Variants in SLC4A4 observed in about 807,000 individuals in gnomAD.
SLC4A4 encodes electrogenic sodium bicarbonate cotransporter 1.
A neutral mutation model predicts 111.5 loss-of-function variants in SLC4A4; 27 were observed. The ratio of observed to expected loss-of-function variants is 0.24; its 90% CI spans 0.18 to 0.33. The LOEUF (loss-of-function observed/expected upper bound fraction) is 0.33. Among genes scored for constraint, SLC4A4 ranks in the 10% least tolerant of loss-of-function variants. SLC4A4 has a pLI of 1.00. For missense variants in SLC4A4, 909 were observed against 1,315.5 expected (o/e 0.69, Z 4.78); for synonymous variants, 443 against 463.4 (o/e 0.96, Z 0.57).
intron 7 of SLC4A4, among the ~76,000 whole-genome samples, chr4:71,422,390 C>T (rs1343487171): frequency 6.8e-6 from 1 of 147,422 alleles, no homozygotes; most frequent in Non-Finnish European, 1.5e-5. Flanking sequence ...GGATTCACAG[C>T]CGAATTCTAC....
rs768717646 is a variant in SLC4A4 at position 71,339,303 on chromosome 4, G to T, written c.254-67G>T. 4 of 1,614,154 alleles carry T rather than the reference G, an allele frequency of 2.5e-6. No homozygotes were observed. Among genetic ancestry groups the T allele is most frequent in the Non-Finnish European group, 3.4e-6 (4 of 1,180,018 alleles). On this transcript the variant is annotated intron_variant, in intron 3 of 25. Coordinates refer to ENST00000264485, the MANE Select transcript of SLC4A4 (RefSeq NM_001098484.3). ...CAGTAACCTTGGGGAGAGAGGAAGA[G>T]CCCGGAGCTCCACTTTCCTCAGGGT...
chr4:71,103,627 C>T (rs1742827108), intron 2 of SLC4A4, among the ~76,000 whole-genome samples: 1 of 152,118 alleles, frequency 6.6e-6, no homozygotes, highest in Admixed American at 6.6e-5. Context: ...TCACTCAAAA[C>T]CGCTCAACTA....
intron 1 of SLC4A4, among the ~76,000 whole-genome samples, chr4:71,193,406 G>T (rs912984291): frequency 1.3e-5 from 2 of 152,252 alleles, no homozygotes; most frequent in South Asian, 4.1e-4. Flanking sequence ...TGATCCGCCC[G>T]CCTTGGCCTC....
chr4:71,275,092 T>C (rs1200429315), intron 3 of SLC4A4, among the ~76,000 whole-genome samples: 1 of 152,194 alleles, frequency 6.6e-6, no homozygotes, highest in Non-Finnish European at 1.5e-5. Context: ...GCTTCCTTCC[T>C]TGATTGAAAA....
intron 1 of SLC4A4, among the ~76,000 whole-genome samples, chr4:71,187,873 C>G (rs1174239870): frequency 6.6e-6 from 1 of 152,192 alleles, no homozygotes; most frequent in African/African-American, 2.4e-5. Context: ...GCCGCGGCCC[C>G]CACTTCACTG....
chr4:71,114,587 G>A (rs1743195682), intron 2 of SLC4A4, among the ~76,000 whole-genome samples: 1 of 150,850 alleles, frequency 6.6e-6, no homozygotes, highest in African/African-American at 2.5e-5. Context: ...ATGAAAAAAT[G>A]CTCACCATCA....
chr4:71,466,341 C>T (rs1033212757), intron 12 of SLC4A4, 103 bp from the exon 13 acceptor site: 1 of 1,279,336 alleles, frequency 7.8e-7, no homozygotes. Flanking sequence ...TTTGCTAAGA[C>T]CCTCCTAATA....
At chr4:71,180,147 T>C (rs1159836402) in intron 2 of SLC4A4, among the ~76,000 whole-genome samples, 1 of 152,178 alleles carries the variant, frequency 6.6e-6, no homozygotes, top group East Asian at 1.9e-4. Context: ...TGGCTAGCCA[T>C]ATGTAGAAAG....
At chr4:71,358,430 A>G (rs1012134642) in intron 6 of SLC4A4, among the ~76,000 whole-genome samples, 18 of 152,270 alleles carry the variant, frequency 1.2e-4, no homozygotes, top group African/African-American at 3.9e-4. Context: ...AGGTGGAGTA[A>G]CTGAATTGCA....
intron 14 of SLC4A4, among the ~76,000 whole-genome samples, 182 bp from the exon 15 acceptor site, chr4:71,486,766 T>C (rs997259688): frequency 1.3e-5 from 2 of 151,358 alleles, no homozygotes; most frequent in Non-Finnish European, 3.0e-5. Flanking sequence ...TGTGTCCAAA[T>C]CTTTGTTTTA....
At chr4:71,096,803 T>C (rs1017883760) in intron 2 of SLC4A4, among the ~76,000 whole-genome samples, 5 of 152,190 alleles carry the variant, frequency 3.3e-5, no homozygotes, top group Non-Finnish European at 7.3e-5. Context: ...ATGAGTCCAC[T>C]GGATTTAGGG....
chr4:71,467,448 A>G (rs1460511951), intron 13 of SLC4A4, among the ~76,000 whole-genome samples: 4 of 152,202 alleles, frequency 2.6e-5, no homozygotes, highest in African/African-American at 9.6e-5. Flanking sequence ...TACATGTACT[A>G]ACTCATTTAA....
chr4:71,101,645 C>T (rs1417219588), intron 2 of SLC4A4, among the ~76,000 whole-genome samples: 1 of 152,130 alleles, frequency 6.6e-6, no homozygotes, highest in Admixed American at 6.6e-5. Context: ...TGGGAGGCAA[C>T]CCCCAGCAGG....
At chr4:71,371,037 T>C (rs1321490808) in intron 6 of SLC4A4, among the ~76,000 whole-genome samples, 7 of 152,130 alleles carry the variant, frequency 4.6e-5, no homozygotes, top group Non-Finnish European at 1.0e-4. Flanking sequence ...ACTTACTGTA[T>C]CCATTCAGTA....
intron 18 of SLC4A4, among the ~76,000 whole-genome samples, chr4:71,540,614 G>A (rs1025653962): frequency 4.6e-5 from 7 of 152,108 alleles, no homozygotes; most frequent in African/African-American, 1.4e-4. Context: ...CTACATTGCC[G>A]TCTGTGCCCT....
chr4:71,195,230 GTTTTTTTTTTTT>G (rs66527038), intron 1 of SLC4A4, among the ~76,000 whole-genome samples: 1 of 93,174 alleles, frequency 1.1e-5, no homozygotes, highest in Non-Finnish European at 2.2e-5. Flanking sequence ...CTGTATTTGA[GTTTTTTTTTTTT>G]TTTTTTTTTT....
chr4:71,085,109 AG>A (rs1313906865), intron 1 of SLC4A4, among the ~76,000 whole-genome samples: 1 of 152,080 alleles, frequency 6.6e-6, no homozygotes, highest in Non-Finnish European at 1.5e-5. Context: ...AACTGGTGTG[AG>A]ATGGTATCTC....
At chr4:71,222,949 C>T (rs1441570392) in intron 1 of SLC4A4, among the ~76,000 whole-genome samples, 2 of 152,054 alleles carry the variant, frequency 1.3e-5, no homozygotes, top group Non-Finnish European at 2.9e-5. Flanking sequence ...AACCATGTGG[C>T]CAAGTGGTGA....
chr4:71,180,929 G>A (rs565817917), intron 2 of SLC4A4, among the ~76,000 whole-genome samples: 45 of 152,114 alleles, frequency 3.0e-4, no homozygotes, highest in African/African-American at 9.4e-4. Context: ...TGTTTACTGC[G>A]GCACTATTCA....
Sources: gnomAD v4.1 joint callset for allele counts (sites outside exome capture counted in the v4.1 genomes callset) on GRCh38, gnomAD v4.1.1 for gene constraint, MANE v1.5 for transcripts, NCBI Gene and HGNC (gene_info 2026-07-23, HGNC 2026-07-21) for gene names.